NBEA: variants seen among roughly 807,000 people sequenced by gnomAD.
NBEA encodes the protein lysosomal-trafficking regulator 2.
NBEA carries 44 observed loss-of-function variants against 343.4 expected under a neutral mutation model. That is an observed-to-expected ratio of 0.13 (90% CI 0.10 to 0.16). NBEA has a LOEUF of 0.16. Ranked by LOEUF, NBEA falls within the 10% of genes least tolerant of loss-of-function variation. The probability of loss-of-function intolerance (pLI) is 1.00; values close to 1 mark genes in which losing one functional copy is unlikely to be tolerated. For missense variants in NBEA, 2,555 were observed against 3,631.3 expected (o/e 0.70, Z 7.62); for synonymous variants, 1,175 against 1,238.7 (o/e 0.95, Z 1.08).
At chr13:35,407,505 TC>T (rs2043333772) in intron 38 of NBEA, among the ~76,000 whole-genome samples, 1 of 126,010 alleles carries the variant, frequency 7.9e-6, no homozygotes, top group Admixed American at 9.8e-5. Flanking sequence ...AGAAGACCTT[TC>T]TGCATCATTT....
chr13:35,377,107 G>A lies in NBEA; in HGVS notation c.6179+24784G>A, dbSNP rs117089498. Among the ~76,000 whole-genome samples, 663 of 152,208 alleles carry A rather than the reference G, an allele frequency of 4.4e-3. 5 individuals carry two copies. The highest frequency in any genetic ancestry group is 0.017 in the Middle Eastern group (5 of 294). Reference sequence around the variant, plus strand: ...GCAATATTTTATTTGATGATAGGTTGGTTAGTTTTAAAATTTTGACCAAAA... The same window carrying A: ...GCAATATTTTATTTGATGATAGGTTAGTTAGTTTTAAAATTTTGACCAAAA... On this transcript the variant is annotated intron_variant, in intron 38 of 58. Transcript: ENST00000379939.
intron 36 of NBEA, among the ~76,000 whole-genome samples, chr13:35,314,079 G>T (rs2037551084): frequency 6.6e-6 from 1 of 152,142 alleles, no homozygotes; most frequent in African/African-American, 2.4e-5. Context: ...TTTAGTGGAA[G>T]AGCACTGAGA....
intron 51 of NBEA, among the ~76,000 whole-genome samples, chr13:35,647,868 A>G (rs1483292885): frequency 2.6e-5 from 4 of 151,922 alleles, no homozygotes; most frequent in Non-Finnish European, 4.4e-5. Context: ...CCCGACCTAA[A>G]TGCATTTGTT....
intron 10 of NBEA, among the ~76,000 whole-genome samples, chr13:35,086,955 A>C (rs1380004412): frequency 6.6e-6 from 1 of 151,354 alleles, no homozygotes; most frequent in Non-Finnish European, 1.5e-5. Flanking sequence ...CTTTTGAGAG[A>C]TGTATGTTCA....
chr13:35,093,956 ATT>A (rs1256115956), intron 10 of NBEA, among the ~76,000 whole-genome samples: 1 of 151,734 alleles, frequency 6.6e-6, no homozygotes, highest in Admixed American at 6.6e-5. Context: ...AACTATATAA[ATT>A]TTGTTACATA....
intron 38 of NBEA, among the ~76,000 whole-genome samples, chr13:35,397,700 G>C (rs765160062): frequency 7.9e-5 from 12 of 152,020 alleles, no homozygotes; most frequent in Non-Finnish European, 1.8e-4. Context: ...TGAATTTTTT[G>C]GTTTCCGAGT....
At chr13:35,126,775 G>A (rs1404587443) in intron 17 of NBEA, among the ~76,000 whole-genome samples, 2 of 151,978 alleles carry the variant, frequency 1.3e-5, no homozygotes, top group Middle Eastern at 3.4e-3. Flanking sequence ...AAAATTAGCC[G>A]GGCATGGTGG....
intron 18 of NBEA, among the ~76,000 whole-genome samples, chr13:35,148,784 AG>A (rs1302763048): frequency 9.2e-5 from 14 of 152,160 alleles, no homozygotes; most frequent in African/African-American, 3.4e-4. Context: ...GTAATATTTC[AG>A]GCTTTGTGGG....
At chr13:35,170,374 AT>A (rs929417633) in intron 25 of NBEA, among the ~76,000 whole-genome samples, 123 of 151,312 alleles carry the variant, frequency 8.1e-4, no homozygotes, top group African/African-American at 2.9e-3. Flanking sequence ...AATTTAAATA[AT>A]TTTTTTTTAC....
At chr13:35,149,676 A>G (rs1165325581) in intron 18 of NBEA, among the ~76,000 whole-genome samples, 3 of 152,136 alleles carry the variant, frequency 2.0e-5, no homozygotes, top group Non-Finnish European at 4.4e-5. Flanking sequence ...AATGATGCCT[A>G]TGTAAGTTTT....
intron 33 of NBEA, among the ~76,000 whole-genome samples, chr13:35,230,128 A>G (rs1485029439): frequency 6.6e-6 from 1 of 152,138 alleles, no homozygotes. Flanking sequence ...TTGCAAAAAA[A>G]TCTTAATAGG....
chr13:35,591,420 T>C (rs529226137), intron 46 of NBEA, among the ~76,000 whole-genome samples: 8 of 152,242 alleles, frequency 5.3e-5, no homozygotes, highest in African/African-American at 1.9e-4. Flanking sequence ...ACATGTCATA[T>C]AATTTTTTTC....
In NBEA at chr13:35,207,612, A is replaced by T. The variant is rs113155975; in HGVS notation, c.5367-1088A>T. Among the ~76,000 whole-genome samples, 976 of 152,264 alleles carry T rather than the reference A, an allele frequency of 6.4e-3. 11 individuals are homozygous for T. Among genetic ancestry groups the T allele is most frequent in the African/African-American group, 0.022 (935 of 41,558 alleles). ...CATTTTTAAAAACTGACTAATATCC[A>T]TATTTATTTGTCATTTAACCTTAAC... is the stretch of plus-strand genomic sequence containing the variant. On this transcript the variant is annotated intron_variant, in intron 31 of 58. Coordinates refer to ENST00000379939, the MANE Select transcript of NBEA (RefSeq NM_001385012.1).
intron 1 of NBEA, among the ~76,000 whole-genome samples, chr13:34,975,148 A>G (rs1369233108): frequency 1.3e-5 from 2 of 152,180 alleles, no homozygotes; most frequent in African/African-American, 4.8e-5. Context: ...AACAGACATA[A>G]TTTCTTAAGT....
intron 13 of NBEA, among the ~76,000 whole-genome samples, chr13:35,113,422 A>G (rs961980461): frequency 6.6e-6 from 1 of 152,158 alleles, no homozygotes; most frequent in African/African-American, 2.4e-5. Flanking sequence ...CATTGAAACT[A>G]TATAAATAGC....
At chr13:35,534,894 A>G (rs1029509485) in intron 41 of NBEA, among the ~76,000 whole-genome samples, 3 of 152,208 alleles carry the variant, frequency 2.0e-5, no homozygotes, top group African/African-American at 7.2e-5. Flanking sequence ...TGCTCATGAT[A>G]TTCAAATGAA....
At chr13:35,115,082 ATAT>A (rs549300605) in intron 13 of NBEA, among the ~76,000 whole-genome samples, 13 of 152,180 alleles carry the variant, frequency 8.5e-5, no homozygotes, top group African/African-American at 2.9e-4. Flanking sequence ...TATATTAAAA[ATAT>A]TATAGGTCAG....
At chr13:35,431,680 T>C (rs955519515) in intron 38 of NBEA, among the ~76,000 whole-genome samples, 5 of 152,152 alleles carry the variant, frequency 3.3e-5, no homozygotes, top group Admixed American at 6.5e-5. Flanking sequence ...CAGCTCTAAT[T>C]CAGTATTATT....
intron 40 of NBEA, among the ~76,000 whole-genome samples, chr13:35,460,726 A>G (rs1337980785): frequency 6.6e-6 from 1 of 152,266 alleles, no homozygotes; most frequent in Non-Finnish European, 1.5e-5. Context: ...TAAATTAAAA[A>G]TATAATAAAA....
Sources: allele counts gnomAD v4.1 joint callset (sites outside exome capture counted in the v4.1 genomes callset), GRCh38; gene constraint gnomAD v4.1.1; transcripts MANE v1.5; gene names NCBI Gene and HGNC (gene_info 2026-07-23, HGNC 2026-07-21).